EPS15L1: variants seen among roughly 807,000 people sequenced by gnomAD.
The protein encoded by EPS15L1 is epidermal growth factor receptor pathway substrate 15 like 1.
Under a neutral mutation model 117.1 loss-of-function variants are expected in EPS15L1, and 43 were observed. The ratio of observed to expected loss-of-function variants is 0.37; its 90% CI spans 0.29 to 0.47. The LOEUF is 0.47. Ranked by LOEUF, EPS15L1 falls within the 20% of genes least tolerant of loss-of-function variation. The pLI is 0.99. For missense variants in EPS15L1, 981 were observed against 1,164.0 expected, an observed-to-expected ratio of 0.84 and a Z score of 2.29; for synonymous variants, 459 against 470.5, an observed-to-expected ratio of 0.98 and a Z score of 0.32.
intron 7 of EPS15L1, among the ~76,000 whole-genome samples, chr19:16,430,522 G>T (rs1568445230): frequency 6.6e-6 from 1 of 152,198 alleles, no homozygotes. Context: ...GCAAGTGCTG[G>T]ATGTGTGTCT....
chr19:16,402,662 C>T (rs2092614427), intron 15 of EPS15L1, among the ~76,000 whole-genome samples, 177 bp from the exon 16 acceptor site: 1 of 152,022 alleles, frequency 6.6e-6, no homozygotes, highest in South Asian at 2.1e-4. Flanking sequence ...CTGCCTCAGC[C>T]TCCTGAGTAG....
intron 22 of EPS15L1, 51 bp downstream of exon 22, chr19:16,377,071 C>G: frequency 6.5e-7 from 1 of 1,546,890 alleles, no homozygotes; most frequent in Non-Finnish European, 8.7e-7. Context: ...CCTGGTCCCC[C>G]GCCATCCGGC....
chr19:16,419,087 G>A (rs2092789493), intron 10 of EPS15L1, among the ~76,000 whole-genome samples: 1 of 152,202 alleles, frequency 6.6e-6, no homozygotes, highest in Admixed American at 6.5e-5. Context: ...CTGAAAGATG[G>A]GCCAAGGCAG....
intron 1 of EPS15L1, among the ~76,000 whole-genome samples, chr19:16,459,304 C>T (rs908519880): frequency 1.3e-5 from 2 of 152,164 alleles, no homozygotes; most frequent in Non-Finnish European, 2.9e-5. Context: ...ACTCCCATAG[C>T]CCCAAACTTT....
At chr19:16,469,922 AAGGGCCTGGG>A (rs1251706173) in intron 1 of EPS15L1, among the ~76,000 whole-genome samples, 1 of 152,218 alleles carries the variant, frequency 6.6e-6, no homozygotes, top group Non-Finnish European at 1.5e-5. Flanking sequence ...GCTAGACAGT[AAGGGCCTGGG>A]AGGGCCATGC....
intron 22 of EPS15L1, among the ~76,000 whole-genome samples, chr19:16,364,637 G>A (rs543630504): frequency 4.6e-5 from 7 of 152,196 alleles, no homozygotes; most frequent in African/African-American, 1.7e-4. Flanking sequence ...CCAAGGCCTC[G>A]CTGCCAGGTC....
intron 12 of EPS15L1, 69 bp from the exon 13 acceptor site, chr19:16,413,914 A>G: frequency 8.3e-7 from 1 of 1,205,130 alleles, no homozygotes; most frequent in Non-Finnish European, 1.2e-6. Context: ...CCAAGGCCTG[A>G]TTCTGTTCAC....
intron 22 of EPS15L1, among the ~76,000 whole-genome samples, chr19:16,362,244 T>C (rs1162238503): frequency 6.6e-6 from 1 of 152,200 alleles, no homozygotes; most frequent in Non-Finnish European, 1.5e-5. Context: ...CAGCTAAAAC[T>C]TGAGTTGTCC....
At chr19:16,456,974 C>A (rs2093203644) in intron 1 of EPS15L1, among the ~76,000 whole-genome samples, 1 of 152,002 alleles carries the variant, frequency 6.6e-6, no homozygotes, top group Non-Finnish European at 1.5e-5. Context: ...GGGGTGCCTG[C>A]AGGCCAGCAA....
intron 19 of EPS15L1, 132 bp from the exon 20 acceptor site, chr19:16,386,363 C>T: frequency 2.8e-6 from 2 of 721,616 alleles, no homozygotes; most frequent in Non-Finnish European, 4.9e-6. Context: ...ATGATTAAAA[C>T]TCAACCCAGG....
chr19:16,461,827 G>A (rs891271461), intron 1 of EPS15L1, among the ~76,000 whole-genome samples: 1 of 152,162 alleles, frequency 6.6e-6, no homozygotes, highest in African/African-American at 2.4e-5. Flanking sequence ...GCGGCTCTGG[G>A]CCCTGTGCCT....
chr19:16,405,622 G>A lies in EPS15L1; in HGVS notation c.1267-873C>T, dbSNP rs1393889747. ...GGTTCCAGCACAGCCCACACTGTGG[G>A]ACGCTCCTTGGCCATGGAACGGGAT... On this transcript the variant is annotated intron_variant, in intron 13 of 23. Coordinates refer to ENST00000455140, the MANE Select transcript of EPS15L1 (RefSeq NM_001258374.3). This position sits in a 1 kb window ranked among gnomAD's most constrained non-coding sequence, Gnocchi z 4.0. 6.6e-6 allele frequency among the ~76,000 whole-genome samples: 1 copy of A among 152,242 alleles called. No homozygotes were observed. The highest frequency in any genetic ancestry group is 1.5e-5 in the Non-Finnish European group (1 of 68,032).
chr19:16,393,625 G>C (rs2092505983), intron 18 of EPS15L1, among the ~76,000 whole-genome samples: 2 of 149,216 alleles, frequency 1.3e-5, no homozygotes, highest in African/African-American at 4.9e-5. Flanking sequence ...CTCCAGCCTG[G>C]GCGACAGAGC....
chr19:16,414,798 T>G (rs1568431268), intron 12 of EPS15L1, among the ~76,000 whole-genome samples: 2 of 151,250 alleles, frequency 1.3e-5, no homozygotes, highest in African/African-American at 4.9e-5. Context: ...CATCCTTGAC[T>G]TCCTGGGCTC....
At chr19:16,412,948 T>C in intron 13 of EPS15L1, 1 of 664,276 alleles carries the variant, frequency 1.5e-6, no homozygotes, top group Non-Finnish European at 2.8e-6. Context: ...CTATCTCTTC[T>C]CCCGCCCATC....
chr19:16,374,986 A>G (rs571739814), intron 22 of EPS15L1, among the ~76,000 whole-genome samples: 1 of 152,396 alleles, frequency 6.6e-6, no homozygotes, highest in African/African-American at 2.4e-5. Flanking sequence ...ATGCACATAT[A>G]TAAGCATGGA....
rs1239129258 is a variant in EPS15L1, at chr19:16,403,822, T to C, written c.1537A>G (p.Thr513Ala). 1 of 1,614,028 alleles carries C rather than the reference T, an allele frequency of 6.2e-7. No homozygotes were observed. Among genetic ancestry groups the C allele is most frequent in the Admixed American group, 1.7e-5 (1 of 59,994 alleles). ...SELNRLQQEE[T>A]QLEQSIQAGR... is the part of the protein sequence containing the mutation. ...GCCTGAATGCTCTGCTCCAGCTGGG[T>C]TTCCTCCTGCTGCAATCGGTTCAGC... Residue 513 changes from threonine (T) to alanine (A), a missense_variant, in exon 15 of 24, where the codon ACC becomes GCC. Physicochemically the swap from Thr to Ala is moderately conservative, Grantham distance 58. This residue lies in a region of EPS15L1 where 819 missense variants were observed against 949.0 expected (regional missense o/e 0.86). Transcript: ENST00000455140.
At chr19:16,359,475 C>G (rs989162819) in intron 23 of EPS15L1, among the ~76,000 whole-genome samples, 2 of 152,202 alleles carry the variant, frequency 1.3e-5, no homozygotes, top group African/African-American at 4.8e-5. Context: ...CCTGTCTTCA[C>G]TCAACCCATC....
chr19:16,436,300 G>A (rs1308721755), intron 6 of EPS15L1, among the ~76,000 whole-genome samples: 1 of 152,194 alleles, frequency 6.6e-6, no homozygotes. Context: ...AAGGTGAGGA[G>A]GCCTGATGTT....
Sources: allele counts gnomAD v4.1 joint callset (sites outside exome capture counted in the v4.1 genomes callset), GRCh38; gene constraint gnomAD v4.1.1; regional missense constraint gnomAD v4.1.1; non-coding constraint Gnocchi (gnomAD v3.1); transcripts MANE v1.5; gene names NCBI Gene and HGNC (gene_info 2026-07-23, HGNC 2026-07-21).